The following POLN variants were observed in gnomAD, a reference collection of about 807,000 sequenced individuals.
POLN encodes DNA polymerase nu.
POLN carries 108 observed loss-of-function variants against 113.5 expected under a neutral mutation model. The ratio of observed to expected loss-of-function variants is 0.95; its 90% CI spans 0.81 to 1.12. The LOEUF (loss-of-function observed/expected upper bound fraction) is 1.12. Ranked by LOEUF, POLN falls within the 50% of genes most tolerant of loss-of-function variation. The pLI is 0.00. For missense variants in POLN, 1,097 were observed against 1,077.1 expected (o/e 1.02, Z -0.26); for synonymous variants, 386 against 391.5 (o/e 0.99, Z 0.17).
chr4:2,187,936 C>T (rs886680113), intron 7 of POLN, among the ~76,000 whole-genome samples: 1 of 152,000 alleles, frequency 6.6e-6, no homozygotes, highest in African/African-American at 2.4e-5. Flanking sequence ...CATAGTGAGA[C>T]CCCTGTCTCT....
chr4:2,229,004 A>G (rs1734482148), intron 3 of POLN, 95 bp downstream of exon 3: 5 of 1,250,984 alleles, frequency 4.0e-6, no homozygotes, highest in Non-Finnish European at 5.5e-6. Context: ...GCTGGGCTTC[A>G]TCTGTCTACA....
At chr4:2,173,071 T>C (rs539519237) in intron 11 of POLN, among the ~76,000 whole-genome samples, 6 of 152,260 alleles carry the variant, frequency 3.9e-5, no homozygotes. Flanking sequence ...AAAGCTAAAC[T>C]ACATTGCTTA....
intron 13 of POLN, among the ~76,000 whole-genome samples, chr4:2,170,319 T>C (rs1732828373): frequency 1.3e-5 from 2 of 152,188 alleles, no homozygotes; most frequent in South Asian, 2.1e-4. Flanking sequence ...TAAAATTCTC[T>C]AAAATAAATC....
chr4:2,176,138 GGTTAATTT>G (rs1387684166), intron 9 of POLN, 120 bp downstream of exon 9: 1 of 768,126 alleles, frequency 1.3e-6, no homozygotes, highest in Non-Finnish European at 2.2e-6. Flanking sequence ...GTAATGCACA[GGTTAATTT>G]GTTCTTAGAA....
rs34515198 is a variant in POLN, at chr4:2,128,211, T to C, written c.1884A>G (p.Glu628=). 6.2e-7 allele frequency: 1 copy of C among 1,607,546 alleles called. No individual in the cohort carries two copies. Among genetic ancestry groups the C allele is most frequent in the Non-Finnish European group, 8.5e-7 (1 of 1,174,436 alleles). ...TFLAADFSQI[E]LRILTHLSGD... ...CAGATAAATGTGTAAGAATGCGCAA[T>C]TCAATCTGTGAAAAGTCTGTGAGAT... Residue 628 remains glutamate (E), a synonymous_variant, in exon 19 of 26, where the codon GAA becomes GAG. Coordinates refer to ENST00000511885, the MANE Select transcript of POLN (RefSeq NM_181808.4).
intron 4 of POLN, among the ~76,000 whole-genome samples, chr4:2,209,256 C>T (rs940981645): frequency 4.6e-5 from 7 of 151,878 alleles, no homozygotes; most frequent in African/African-American, 1.2e-4. Flanking sequence ...CTGAGGCTGG[C>T]GGATCACAAG....
chr4:2,114,647 TC>T (rs963780687), intron 19 of POLN, among the ~76,000 whole-genome samples: 1 of 152,236 alleles, frequency 6.6e-6, no homozygotes, highest in African/African-American at 2.4e-5. Context: ...GTGTCTTTTG[TC>T]CTCAGATGGC....
intron 11 of POLN, among the ~76,000 whole-genome samples, chr4:2,172,683 G>A (rs1732892936): frequency 6.6e-6 from 1 of 152,160 alleles, no homozygotes; most frequent in Non-Finnish European, 1.5e-5. Flanking sequence ...ATGCACCCAG[G>A]GGAAGTGAGG....
At position 2,232,131 on chromosome 4, in the gene POLN, T is replaced by C. The variant is rs1424148399; in HGVS notation, c.-12-2888A>G. 5.7e-6 allele frequency: 9 copies of C among 1,572,684 alleles called. No homozygotes were observed. The African/African-American group carries it at 6.9e-5, about 12-fold the overall frequency. The stretch of plus-strand genomic sequence containing the variant: ...GATGATTTAGCTTATTCAGTTGAGA[T>C]TCAACTTTATGAAACTGCTCTGTTA... On this transcript the variant is annotated intron_variant, in intron 2 of 25. Transcript: ENST00000511885.
At chr4:2,193,757 T>C (rs1056191096) in intron 6 of POLN, among the ~76,000 whole-genome samples, 4 of 152,208 alleles carry the variant, frequency 2.6e-5, no homozygotes, top group Admixed American at 1.3e-4. Context: ...TGGGTCACTG[T>C]ATATACTGTA....
At chr4:2,237,233 C>A (rs115315293) in intron 2 of POLN, among the ~76,000 whole-genome samples, 33 of 151,678 alleles carry the variant, frequency 2.2e-4, no homozygotes, top group African/African-American at 7.7e-4. Context: ...GAGTTCAAGA[C>A]CAGACTTGGC....
intron 25 of POLN, 32 bp downstream of exon 25, chr4:2,072,936 G>C (rs765323879): frequency 6.2e-7 from 1 of 1,609,812 alleles, no homozygotes; most frequent in East Asian, 2.2e-5. Flanking sequence ...CCTGGGCTCC[G>C]GAAGACCGGG....
rs546265696 is a variant in POLN, at chr4:2,117,181, A to G, written c.1982+10932T>C. ...TGTCATGGCAGAAGAAGAAGATAAA[A>G]TGGGAACCATGTGTTGGCTCTTAAG... On this transcript the variant is annotated intron_variant, in intron 19 of 25. Coordinates refer to ENST00000511885, the MANE Select transcript of POLN (RefSeq NM_181808.4). Among the ~76,000 whole-genome samples, 62 of 152,330 alleles carry G rather than the reference A, an allele frequency of 4.1e-4. 1 individual carries two copies. The highest frequency in any genetic ancestry group is 1.4e-3 in the African/African-American group (60 of 41,572).
intron 2 of POLN, chr4:2,236,100 A>G (rs1734754388): frequency 5.2e-6 from 3 of 571,704 alleles, no homozygotes; most frequent in South Asian, 2.6e-5. Flanking sequence ...TAGGAGATAT[A>G]GAAATATACT....
chr4:2,165,418 G>T (rs1219223120), intron 13 of POLN, among the ~76,000 whole-genome samples: 4 of 152,218 alleles, frequency 2.6e-5, no homozygotes, highest in Non-Finnish European at 5.9e-5. Context: ...TCAGGGGCTG[G>T]TGGGAGGGAG....
intron 2 of POLN, among the ~76,000 whole-genome samples, chr4:2,233,472 G>A (rs1734655088): frequency 6.6e-6 from 1 of 151,902 alleles, no homozygotes; most frequent in South Asian, 2.1e-4. Flanking sequence ...CTGAAATGAA[G>A]ATGCATCTTA....
chr4:2,136,201 A>C (rs565676021), intron 16 of POLN, among the ~76,000 whole-genome samples: 1 of 152,340 alleles, frequency 6.6e-6, no homozygotes, highest in Non-Finnish European at 1.5e-5. Flanking sequence ...CATACAGCAG[A>C]ATGACTAGTT....
chr4:2,202,957 C>T (rs1242486585), intron 5 of POLN, among the ~76,000 whole-genome samples: 1 of 152,016 alleles, frequency 6.6e-6, no homozygotes, highest in Non-Finnish European at 1.5e-5. Context: ...AGAAAGTCAA[C>T]AAAGAAACAA....
intron 23 of POLN, among the ~76,000 whole-genome samples, chr4:2,077,597 G>GTCTTTGTCTCC (rs1378143699): frequency 6.6e-6 from 1 of 152,260 alleles, no homozygotes; most frequent in Non-Finnish European, 1.5e-5. Context: ...TCAGGCAGAA[G>GTCTTTGTCTCC]TCTTTGTCTC....
Sources: gnomAD v4.1 joint callset for allele counts (sites outside exome capture counted in the v4.1 genomes callset) on GRCh38, gnomAD v4.1.1 for gene constraint, MANE v1.5 for transcripts, NCBI Gene and HGNC (gene_info 2026-07-23, HGNC 2026-07-21) for gene names.